Variants in SNTG1 observed in about 807,000 individuals in gnomAD.
SNTG1 encodes the protein gamma-1-syntrophin.
In SNTG1, 39 loss-of-function variants were observed where a neutral mutation model predicts 74.7. The ratio of observed to expected loss-of-function variants is 0.52; its 90% confidence interval spans 0.40 to 0.68. The LOEUF (loss-of-function observed/expected upper bound fraction) is 0.68, where lower values mean the gene tolerates loss of function less well. Ranked by LOEUF, SNTG1 falls within the 30% of genes least tolerant of loss-of-function variation. SNTG1 has a pLI of 0.00. For synonymous variants in SNTG1, 254 were observed against 217.1 expected (o/e 1.17, Z -1.49); for missense variants, 685 against 609.5 (o/e 1.12, Z -1.30).
chr8:50,182,993 G>A (rs937926493), intron 2 of SNTG1, among the ~76,000 whole-genome samples: 3 of 151,930 alleles, frequency 2.0e-5, no homozygotes, highest in Non-Finnish European at 4.4e-5. Context: ...CACTGATGCC[G>A]CATACCAAGT....
intron 2 of SNTG1, among the ~76,000 whole-genome samples, chr8:50,294,765 A>G (rs1198543386): frequency 2.0e-5 from 3 of 152,216 alleles, no homozygotes; most frequent in Non-Finnish European, 4.4e-5. Flanking sequence ...GCCATGGCTC[A>G]GCCAAATTGA....
At chr8:50,511,588 T>G (rs894810476) in intron 9 of SNTG1, among the ~76,000 whole-genome samples, 18 of 152,298 alleles carry the variant, frequency 1.2e-4, no homozygotes, top group Admixed American at 9.8e-4. Context: ...GCTTTATGAA[T>G]CTGGGTGCTC....
intron 12 of SNTG1, among the ~76,000 whole-genome samples, chr8:50,584,279 C>A (rs2094632340): frequency 1.3e-5 from 2 of 148,266 alleles, no homozygotes. Context: ...GGGTATATAC[C>A]CAGTAATGGG....
At chr8:50,025,857 C>A (rs986117770) in intron 1 of SNTG1, among the ~76,000 whole-genome samples, 1 of 152,114 alleles carries the variant, frequency 6.6e-6, no homozygotes, top group African/African-American at 2.4e-5. Flanking sequence ...AGAATGCATC[C>A]TACTGATTGT....
intron 1 of SNTG1, among the ~76,000 whole-genome samples, chr8:50,048,273 AAACC>A (rs1459540425): frequency 6.6e-6 from 1 of 152,180 alleles, no homozygotes; most frequent in African/African-American, 2.4e-5. Context: ...TCTTGAAGAT[AAACC>A]AAGAGAAAAA....
chr8:50,489,691 T>C (rs1019413918), intron 8 of SNTG1, among the ~76,000 whole-genome samples: 2 of 152,182 alleles, frequency 1.3e-5, no homozygotes, highest in African/African-American at 4.8e-5. Flanking sequence ...GCCATATGGA[T>C]AGATTGCAAA....
intron 2 of SNTG1, among the ~76,000 whole-genome samples, chr8:50,191,468 C>T (rs934677495): frequency 2.0e-5 from 3 of 152,064 alleles, no homozygotes; most frequent in Admixed American, 6.6e-5. Flanking sequence ...AATAGTTCGG[C>T]AAATCATTTG....
intron 1 of SNTG1, among the ~76,000 whole-genome samples, chr8:50,169,654 C>G (rs943371303): frequency 6.6e-6 from 1 of 152,144 alleles, no homozygotes; most frequent in African/African-American, 2.4e-5. Context: ...ATTAACCTAC[C>G]ATTTTTAGAT....
At chr8:50,619,221 C>T (rs1033602272) in intron 13 of SNTG1, among the ~76,000 whole-genome samples, 1 of 151,984 alleles carries the variant, frequency 6.6e-6, no homozygotes, top group Non-Finnish European at 1.5e-5. Flanking sequence ...TTAAGATTCA[C>T]TCTAGGAATA....
intron 9 of SNTG1, among the ~76,000 whole-genome samples, chr8:50,509,359 A>G (rs2094042683): frequency 6.6e-6 from 1 of 152,150 alleles, no homozygotes; most frequent in South Asian, 2.1e-4. Context: ...TGATGCCTCC[A>G]GCTTTGTTCT....
At chr8:50,424,284 A>T (rs985495506) in intron 4 of SNTG1, among the ~76,000 whole-genome samples, 1 of 152,172 alleles carries the variant, frequency 6.6e-6, no homozygotes, top group African/African-American at 2.4e-5. Flanking sequence ...AGTAAATGGA[A>T]GATTCTTTTC....
At chr8:50,060,424 C>A (rs1448289132) in intron 1 of SNTG1, among the ~76,000 whole-genome samples, 1 of 152,056 alleles carries the variant, frequency 6.6e-6, no homozygotes, top group Non-Finnish European at 1.5e-5. Context: ...CACATCTAAG[C>A]TTTATTCCAA....
At chr8:50,463,760 T>C (rs1469748837) in intron 8 of SNTG1, among the ~76,000 whole-genome samples, 1 of 152,204 alleles carries the variant, frequency 6.6e-6, no homozygotes, top group East Asian at 1.9e-4. Flanking sequence ...CCAGCAGCAT[T>C]GGCCCCTAAT....
intron 1 of SNTG1, among the ~76,000 whole-genome samples, chr8:50,060,739 C>A (rs573926746): frequency 6.6e-6 from 1 of 151,990 alleles, no homozygotes; most frequent in South Asian, 2.1e-4. Flanking sequence ...CCATTATTTT[C>A]GGCTTGCCTG....
rs189432452 is a variant in SNTG1 at position 50,485,147 on chromosome 8, T to C, written c.364-17631T>C. The stretch of plus-strand genomic sequence containing the variant: ...GAAGTCATTGGTGGTCTCTGAGATA[T>C]GACCAAGAGGGCACTGTAGAACCTT... On this transcript the variant is annotated intron_variant, in intron 8 of 18. Transcript: ENST00000642720. Among the ~76,000 whole-genome samples the C allele has an allele frequency of 1.4e-3, 212 of 152,302 alleles. 2 individuals are homozygous for C. The highest frequency in any genetic ancestry group is 4.0e-3 in the African/African-American group (166 of 41,572).
chr8:50,729,864 C>T (rs988548717), intron 17 of SNTG1, among the ~76,000 whole-genome samples: 6 of 152,094 alleles, frequency 3.9e-5, no homozygotes, highest in African/African-American at 1.2e-4. Context: ...ATTTATATTT[C>T]TATATCACCT....
intron 11 of SNTG1, among the ~76,000 whole-genome samples, chr8:50,548,319 A>G (rs1010575624): frequency 6.6e-6 from 1 of 152,174 alleles, no homozygotes; most frequent in Admixed American, 6.6e-5. Context: ...TCCTGGATAG[A>G]TATATGAACT....
rs1300513359 is a variant in SNTG1, at chr8:50,438,631, G to A, written c.219+32G>A. 3.2e-6 allele frequency: 5 copies of A among 1,572,790 alleles called. No homozygotes were observed. In the Admixed American group the frequency reaches 5.0e-5, roughly 16 times the overall value. On this transcript the variant is annotated intron_variant, in intron 5 of 18. Coordinates refer to ENST00000642720, the MANE Select transcript of SNTG1 (RefSeq NM_018967.5). ...TGCCTTTCTAGTCTATCCTTACAAA[G>A]GCCATGCCATAAGAGCTGAACTTTG...
At chr8:50,395,660 C>T (rs908332733) in intron 3 of SNTG1, among the ~76,000 whole-genome samples, 2 of 151,750 alleles carry the variant, frequency 1.3e-5, no homozygotes, top group South Asian at 2.1e-4. Context: ...CCTGCCACCA[C>T]GCCAGGCTAA....
Sources: gnomAD v4.1 joint callset for allele counts (sites outside exome capture counted in the v4.1 genomes callset) on GRCh38, gnomAD v4.1.1 for gene constraint, MANE v1.5 for transcripts, NCBI Gene and HGNC (gene_info 2026-07-23, HGNC 2026-07-21) for gene names.